Variants in PRKCB observed in about 807,000 individuals in gnomAD.
The protein encoded by PRKCB is protein kinase C beta.
Under a neutral mutation model 81.5 loss-of-function variants are expected in PRKCB, and 13 were observed. The observed-to-expected ratio is 0.16, with a 90% CI of 0.10 to 0.25. PRKCB has a LOEUF of 0.25. Among genes scored for constraint, PRKCB ranks in the 10% least tolerant of loss-of-function variants. The probability of loss-of-function intolerance (pLI) is 1.00; values close to 1 mark genes in which losing one functional copy is unlikely to be tolerated. For synonymous variants in PRKCB, 335 were observed against 321.4 expected, an observed-to-expected ratio of 1.04 and a Z score of -0.45; for missense variants, 509 against 875.7, an observed-to-expected ratio of 0.58 and a Z score of 5.29.
intron 3 of PRKCB, among the ~76,000 whole-genome samples, chr16:24,008,075 TC>T (rs1965152499): frequency 6.6e-6 from 1 of 152,196 alleles, no homozygotes; most frequent in African/African-American, 2.4e-5. Flanking sequence ...ATATAATAAT[TC>T]TTCATTCTTC....
intron 3 of PRKCB, among the ~76,000 whole-genome samples, chr16:24,003,379 T>C (rs1206713405): frequency 3.1e-5 from 4 of 129,290 alleles, no homozygotes; most frequent in African/African-American, 1.3e-4. Flanking sequence ...GCCTTCTTCC[T>C]GCATTCGTTT....
intron 2 of PRKCB, among the ~76,000 whole-genome samples, chr16:23,943,179 C>A (rs924616791): frequency 1.3e-5 from 2 of 152,168 alleles, no homozygotes; most frequent in Non-Finnish European, 2.9e-5. Context: ...GGAGTGTTCT[C>A]CACTATAAAA....
At chr16:23,995,928 G>A (rs1241079368) in intron 3 of PRKCB, among the ~76,000 whole-genome samples, 1 of 151,984 alleles carries the variant, frequency 6.6e-6, no homozygotes, top group African/African-American at 2.4e-5. Context: ...AGTCACTTTA[G>A]GACATCCCTG....
At chr16:24,006,930 G>A (rs1965131195) in intron 3 of PRKCB, among the ~76,000 whole-genome samples, 1 of 152,338 alleles carries the variant, frequency 6.6e-6, no homozygotes, top group South Asian at 2.1e-4. Flanking sequence ...ATTGCAGAGA[G>A]ATTGGATGAC....
chr16:24,068,209 C>T (rs1411752284), intron 5 of PRKCB, among the ~76,000 whole-genome samples: 3 of 152,160 alleles, frequency 2.0e-5, no homozygotes, highest in African/African-American at 7.2e-5. Flanking sequence ...CAAAACCTCT[C>T]AGCTGATTTC....
rs1567405700 is a variant in PRKCB, at chr16:24,185,506, T to C, written c.1661T>C (p.Met554Thr). 1 of 1,614,144 alleles carries C rather than the reference T, an allele frequency of 6.2e-7. No individual in the cohort carries two copies. Among genetic ancestry groups the C allele is most frequent in the Non-Finnish European group, 8.5e-7 (1 of 1,179,992 alleles). Residue 554 changes from methionine to threonine, a missense_variant, in exon 15 of 17, where the codon ATG becomes ACG. Transcript: ENST00000643927. ...EDEDELFQSI[M>T]EHNVAYPKSM... is the part of the protein sequence containing the mutation. ...GAAGATGAACTCTTCCAATCCATCA[T>C]GGAACACAACGTAGCCTATCCCAAG... is the stretch of plus-strand genomic sequence containing the variant.
chr16:24,077,297 A>C (rs1268056569), intron 5 of PRKCB, among the ~76,000 whole-genome samples: 5 of 152,160 alleles, frequency 3.3e-5, no homozygotes, highest in African/African-American at 1.2e-4. Context: ...TGATAATAAG[A>C]AAATGGAAAG....
At chr16:24,190,133 C>T (rs191320757) in intron 15 of PRKCB, among the ~76,000 whole-genome samples, 19 of 152,258 alleles carry the variant, frequency 1.2e-4, no homozygotes, top group African/African-American at 4.1e-4. Flanking sequence ...GTAATTTAAA[C>T]GGAACACCAA....
At chr16:24,045,774 TG>T (rs1312845230) in intron 5 of PRKCB, among the ~76,000 whole-genome samples, 1 of 152,208 alleles carries the variant, frequency 6.6e-6, no homozygotes, top group Non-Finnish European at 1.5e-5. Flanking sequence ...CAACATCCCC[TG>T]GGGATGCACT....
chr16:23,849,693 TA>T (rs1567289179), intron 2 of PRKCB, among the ~76,000 whole-genome samples: 2 of 131,892 alleles, frequency 1.5e-5, no homozygotes, highest in Middle Eastern at 3.8e-3. Context: ...TAGCTTTTTT[TA>T]AAAAAACTAT....
intron 2 of PRKCB, among the ~76,000 whole-genome samples, chr16:23,867,997 A>T (rs1340619357): frequency 6.6e-6 from 1 of 151,904 alleles, no homozygotes; most frequent in East Asian, 1.9e-4. Context: ...AAAACAGGGG[A>T]GATCTGGCTC....
intron 2 of PRKCB, among the ~76,000 whole-genome samples, chr16:23,864,708 C>T (rs1339673573): frequency 2.0e-5 from 3 of 151,574 alleles, no homozygotes; most frequent in Admixed American, 6.6e-5. Flanking sequence ...TTCTCACGAC[C>T]AGGGCCTCTG....
At chr16:24,031,792 T>A (rs747992670) in intron 3 of PRKCB, among the ~76,000 whole-genome samples, 1 of 152,182 alleles carries the variant, frequency 6.6e-6, no homozygotes. Flanking sequence ...CCTGTTTAGA[T>A]GATGTGTCTG....
intron 10 of PRKCB, among the ~76,000 whole-genome samples, chr16:24,161,473 T>C (rs1221189415): frequency 6.6e-6 from 1 of 152,194 alleles, no homozygotes; most frequent in African/African-American, 2.4e-5. Context: ...TTTTTGAACT[T>C]ACATCATTGC....
At chr16:24,201,494 T>C (rs537546266) in intron 16 of PRKCB, among the ~76,000 whole-genome samples, 2 of 152,310 alleles carry the variant, frequency 1.3e-5, no homozygotes, top group African/African-American at 2.4e-5. Flanking sequence ...AAGGGCTTCC[T>C]TTTTATAAAA....
chr16:23,888,140 G>T (rs1175083218), intron 2 of PRKCB, among the ~76,000 whole-genome samples: 1 of 152,140 alleles, frequency 6.6e-6, no homozygotes, highest in East Asian at 1.9e-4. Flanking sequence ...CCTAGAGGAG[G>T]ACTTCAGGCA....
chr16:23,881,998 C>CTT (rs1184025709), intron 2 of PRKCB, among the ~76,000 whole-genome samples: 23 of 77,668 alleles, frequency 3.0e-4, no homozygotes, highest in African/African-American at 1.3e-3. Flanking sequence ...TTCTTTCTTT[C>CTT]TTTCTTTCTT....
At chr16:24,042,309 A>G (rs1965708844) in intron 5 of PRKCB, among the ~76,000 whole-genome samples, 1 of 152,208 alleles carries the variant, frequency 6.6e-6, no homozygotes, top group Non-Finnish European at 1.5e-5. Context: ...GTCATTGCTC[A>G]TAATGGAAGG....
intron 15 of PRKCB, among the ~76,000 whole-genome samples, chr16:24,188,481 G>A (rs1299858977): frequency 6.6e-6 from 1 of 152,038 alleles, no homozygotes; most frequent in Non-Finnish European, 1.5e-5. Flanking sequence ...TCTTTGCTTG[G>A]CATCCTCCTG....
Sources: gnomAD v4.1 joint callset for allele counts (sites outside exome capture counted in the v4.1 genomes callset) on GRCh38, gnomAD v4.1.1 for gene constraint, MANE v1.5 for transcripts, NCBI Gene and HGNC (gene_info 2026-07-23, HGNC 2026-07-21) for gene names.